SLC35F1: variants seen among roughly 807,000 people sequenced by gnomAD.
The protein encoded by SLC35F1 is chromosome 6 open reading frame 169.
Under a neutral mutation model 48.7 loss-of-function variants are expected in SLC35F1, and 14 were observed. The ratio of observed to expected loss-of-function variants is 0.29; its 90% CI spans 0.19 to 0.45. The LOEUF (loss-of-function observed/expected upper bound fraction) is 0.45, where lower values mean the gene tolerates loss of function less well. Ranked by LOEUF, SLC35F1 falls within the 20% of genes least tolerant of loss-of-function variation. The pLI is 1.00. For synonymous variants in SLC35F1, 190 were observed against 202.2 expected (o/e 0.94, Z 0.51); for missense variants, 404 against 500.0 (o/e 0.81, Z 1.83).
intron 2 of SLC35F1, among the ~76,000 whole-genome samples, chr6:118,190,357 A>G (rs1401354011): frequency 6.6e-6 from 1 of 151,996 alleles, no homozygotes; most frequent in Non-Finnish European, 1.5e-5. Context: ...ACTTAGCACG[A>G]GCAACTCCAT....
intron 7 of SLC35F1, among the ~76,000 whole-genome samples, chr6:118,295,172 T>C (rs1408933594): frequency 6.6e-6 from 1 of 152,148 alleles, no homozygotes; most frequent in African/African-American, 2.4e-5. Context: ...TGGTGGTTGT[T>C]ATAAGAGATT....
At chr6:117,914,929 T>C (rs1448329589) in intron 1 of SLC35F1, among the ~76,000 whole-genome samples, 1 of 152,148 alleles carries the variant, frequency 6.6e-6, no homozygotes, top group Non-Finnish European at 1.5e-5. Context: ...GAGGAACAGC[T>C]ATTAATGTTC....
chr6:117,941,212 A>G (rs1416420), intron 1 of SLC35F1, among the ~76,000 whole-genome samples: 115,786 of 151,990 alleles, frequency 0.76, 44,331 homozygotes, highest in South Asian at 0.89. Context: ...AGTGTTTCTT[A>G]AAGCAAAATG....
At chr6:118,265,787 G>C (rs1238981825) in intron 3 of SLC35F1, among the ~76,000 whole-genome samples, 1 of 152,250 alleles carries the variant, frequency 6.6e-6, no homozygotes, top group African/African-American at 2.4e-5. Context: ...GCAGCTGGGT[G>C]GTAGAGGCCA....
At chr6:118,110,004 G>A (rs1267446714) in intron 1 of SLC35F1, among the ~76,000 whole-genome samples, 2 of 152,180 alleles carry the variant, frequency 1.3e-5, no homozygotes, top group African/African-American at 2.4e-5. Context: ...AATGGAGGCA[G>A]CACCACAAAC....
intron 1 of SLC35F1, among the ~76,000 whole-genome samples, chr6:118,020,336 T>C (rs1175354540): frequency 2.0e-5 from 3 of 152,204 alleles, no homozygotes; most frequent in African/African-American, 7.2e-5. Context: ...GCTGTACTTA[T>C]TATACAGAAG....
At chr6:117,962,854 G>T (rs1485228896) in intron 1 of SLC35F1, among the ~76,000 whole-genome samples, 2 of 152,174 alleles carry the variant, frequency 1.3e-5, no homozygotes, top group African/African-American at 4.8e-5. Context: ...CTTGCATAGT[G>T]CTAGAAGCTC....
intron 1 of SLC35F1, among the ~76,000 whole-genome samples, chr6:117,920,946 A>G (rs895354727): frequency 2.0e-5 from 3 of 151,968 alleles, no homozygotes; most frequent in African/African-American, 7.3e-5. Flanking sequence ...AACATATATA[A>G]TGTGTTATAT....
intron 1 of SLC35F1, among the ~76,000 whole-genome samples, chr6:118,041,324 T>A (rs994280166): frequency 6.6e-6 from 1 of 152,218 alleles, no homozygotes; most frequent in African/African-American, 2.4e-5. Flanking sequence ...TTTACATCTT[T>A]GGTAATGTTA....
At chr6:118,199,270 G>A (rs1415449301) in intron 2 of SLC35F1, among the ~76,000 whole-genome samples, 1 of 152,104 alleles carries the variant, frequency 6.6e-6, no homozygotes, top group Non-Finnish European at 1.5e-5. Context: ...CAAGTGGGAG[G>A]GGTAAAAGCT....
chr6:118,000,384 GAC>G (rs1290805838), intron 1 of SLC35F1, among the ~76,000 whole-genome samples: 2 of 152,072 alleles, frequency 1.3e-5, no homozygotes, highest in Non-Finnish European at 2.9e-5. Flanking sequence ...AAAGGCCTTT[GAC>G]AAAATTCAAC....
intron 1 of SLC35F1, among the ~76,000 whole-genome samples, chr6:117,983,736 C>T (rs1033747731): frequency 6.6e-6 from 1 of 152,046 alleles, no homozygotes; most frequent in African/African-American, 2.4e-5. Flanking sequence ...AATAAAAACC[C>T]ATTTGTGGTA....
intron 1 of SLC35F1, among the ~76,000 whole-genome samples, chr6:118,063,580 A>G (rs1020123200): frequency 1.3e-5 from 2 of 152,106 alleles, no homozygotes; most frequent in African/African-American, 4.8e-5. Context: ...TCCACCCCCA[A>G]TCCCCACCCA....
intron 3 of SLC35F1, among the ~76,000 whole-genome samples, chr6:118,241,585 G>A (rs1232151016): frequency 6.6e-6 from 1 of 151,172 alleles, no homozygotes; most frequent in Non-Finnish European, 1.5e-5. Context: ...CTTCGTGTGT[G>A]TGTGTGTGTG....
At chr6:118,311,754 G>A (rs1776374802) in intron 7 of SLC35F1, among the ~76,000 whole-genome samples, 1 of 152,066 alleles carries the variant, frequency 6.6e-6, no homozygotes, top group Non-Finnish European at 1.5e-5. Context: ...TTGTGCCACT[G>A]CATCCAGCCT....
intron 2 of SLC35F1, among the ~76,000 whole-genome samples, chr6:118,234,105 A>G (rs1775331813): frequency 6.6e-6 from 1 of 152,212 alleles, no homozygotes; most frequent in South Asian, 2.1e-4. Context: ...GTCCAAATAC[A>G]GCTGAGGATC....
At position 118,058,070 on chromosome 6, in the gene SLC35F1, A is replaced by G. The variant is rs2114267528; in HGVS notation, c.174-96375A>G. 1.3e-5 allele frequency among the ~76,000 whole-genome samples: 2 copies of G among 152,252 alleles called. 1 individual carries two copies. The highest frequency in any genetic ancestry group is 3.9e-4 in the East Asian group (2 of 5,188). ...CACGGAAAATTATCCCCTGGGGTGA[A>G]GGAAGAAAGTAATACAATGTCTCTT... On this transcript the variant is annotated intron_variant, in intron 1 of 7. Coordinates refer to ENST00000360388, the MANE Select transcript of SLC35F1 (RefSeq NM_001029858.4).
At chr6:117,956,697 A>C (rs1299237618) in intron 1 of SLC35F1, among the ~76,000 whole-genome samples, 1 of 152,192 alleles carries the variant, frequency 6.6e-6, no homozygotes, top group Non-Finnish European at 1.5e-5. Flanking sequence ...CTACAAGGGA[A>C]GCTTTTAATC....
chr6:118,071,818 T>A (rs9401055), intron 1 of SLC35F1, among the ~76,000 whole-genome samples: 102,657 of 151,936 alleles, frequency 0.68, 34,899 homozygotes, highest in African/African-American at 0.75. Context: ...TGTTTTGGTA[T>A]CCTGCTTCTC....
Sources: gnomAD v4.1 joint callset for allele counts (sites outside exome capture counted in the v4.1 genomes callset) on GRCh38, gnomAD v4.1.1 for gene constraint, MANE v1.5 for transcripts, NCBI Gene and HGNC (gene_info 2026-07-23, HGNC 2026-07-21) for gene names.